TRAPPC12: variants seen among roughly 807,000 people sequenced by gnomAD.
The protein encoded by TRAPPC12 is trafficking protein particle complex subunit 12, also known as TPR repeat protein 15.
In TRAPPC12, 61 loss-of-function variants were observed where a neutral mutation model predicts 69.2. The observed-to-expected ratio is 0.88, with a 90% confidence interval of 0.72 to 1.09. The LOEUF (loss-of-function observed/expected upper bound fraction) is 1.09. Among genes scored for constraint, TRAPPC12 ranks in the 50% least tolerant of loss-of-function variants. The pLI is 0.00. For synonymous variants in TRAPPC12, 469 were observed against 438.9 expected (o/e 1.07, Z -0.86); for missense variants, 1,101 against 1,016.4 (o/e 1.08, Z -1.13).
At chr2:3,441,442 T>G (rs1300529115) in intron 5 of TRAPPC12, among the ~76,000 whole-genome samples, 2 of 152,098 alleles carry the variant, frequency 1.3e-5, no homozygotes, top group Non-Finnish European at 2.9e-5. Context: ...TAATAGTCCT[T>G]CACTTCTAGT....
intron 5 of TRAPPC12, among the ~76,000 whole-genome samples, chr2:3,440,205 A>G (rs1242283944): frequency 6.6e-6 from 1 of 152,188 alleles, no homozygotes; most frequent in Non-Finnish European, 1.5e-5. Flanking sequence ...TAACTTCAGA[A>G]TCATTTTGTT....
intron 6 of TRAPPC12, among the ~76,000 whole-genome samples, chr2:3,447,063 C>T (rs966748179): frequency 5.3e-5 from 8 of 151,622 alleles, no homozygotes; most frequent in Non-Finnish European, 8.8e-5. Context: ...GTACAAGAAG[C>T]ACAGTGTCAG....
intron 5 of TRAPPC12, among the ~76,000 whole-genome samples, chr2:3,430,100 A>G (rs73131538): frequency 0.13 from 19,384 of 152,160 alleles, 1,344 homozygotes; most frequent in Middle Eastern, 0.28. Context: ...CATCATGAGC[A>G]TATCTGTCTT....
chr2:3,404,154 TCG>T (rs1393244024), intron 3 of TRAPPC12, among the ~76,000 whole-genome samples: 1 of 152,114 alleles, frequency 6.6e-6, no homozygotes, highest in African/African-American at 2.4e-5. Flanking sequence ...ATGACCCAGA[TCG>T]CGGTTGTGTG....
chr2:3,446,796 T>G (rs1188801763), intron 6 of TRAPPC12, among the ~76,000 whole-genome samples: 2 of 152,228 alleles, frequency 1.3e-5, no homozygotes, highest in Non-Finnish European at 2.9e-5. Flanking sequence ...AGTTCGGGAC[T>G]CAACAGAACG....
chr2:3,380,942 AAC>A (rs1660180105), intron 1 of TRAPPC12, among the ~76,000 whole-genome samples: 1 of 152,194 alleles, frequency 6.6e-6, no homozygotes, highest in Non-Finnish European at 1.5e-5. Flanking sequence ...GCTAAGACTC[AAC>A]ACAGTTATTG....
intron 3 of TRAPPC12, among the ~76,000 whole-genome samples, chr2:3,419,583 G>T (rs534494915): frequency 2.7e-5 from 4 of 150,002 alleles, no homozygotes; most frequent in Non-Finnish European, 5.9e-5. Context: ...CCGCACACCA[G>T]CTAGTGAAGA....
At chr2:3,469,044 G>C (rs549425675) in intron 9 of TRAPPC12, among the ~76,000 whole-genome samples, 1 of 152,190 alleles carries the variant, frequency 6.6e-6, no homozygotes, top group Non-Finnish European at 1.5e-5. Flanking sequence ...AAAGCCAGCA[G>C]AGAGCTCTGT....
chr2:3,455,375 A>G (rs1388671505), intron 6 of TRAPPC12: 5 of 152,160 alleles, frequency 3.3e-5, no homozygotes, highest in East Asian at 3.8e-4. Context: ...CAACAATCCA[A>G]TTATGCTCCC....
chr2:3,420,145 G>C (rs892957309), intron 3 of TRAPPC12, among the ~76,000 whole-genome samples: 2 of 152,090 alleles, frequency 1.3e-5, no homozygotes, highest in African/African-American at 2.4e-5. Flanking sequence ...AGGTCAGTGG[G>C]TAAACACACT....
intron 9 of TRAPPC12, 167 bp downstream of exon 9, chr2:3,465,862 G>A (rs1274842262): frequency 3.3e-6 from 2 of 614,654 alleles, no homozygotes; most frequent in African/African-American, 1.8e-5. Flanking sequence ...AGGAGTTCTG[G>A]TTTGACTGTG....
intron 2 of TRAPPC12, among the ~76,000 whole-genome samples, chr2:3,389,381 C>T (rs377091882): frequency 1.3e-3 from 200 of 152,234 alleles, no homozygotes; most frequent in African/African-American, 4.8e-3. Context: ...TGTAGGGGTC[C>T]GGGGGCTGCT....
intron 1 of TRAPPC12, among the ~76,000 whole-genome samples, chr2:3,383,877 T>A (rs1226352243): frequency 6.2e-5 from 1 of 16,220 alleles, no homozygotes; most frequent in Non-Finnish European, 1.0e-4. Context: ...TCTTGTTTTT[T>A]TTTTTTTTTT....
intron 1 of TRAPPC12, among the ~76,000 whole-genome samples, chr2:3,383,441 C>T (rs1037475891): frequency 5.3e-5 from 8 of 150,016 alleles, no homozygotes; most frequent in African/African-American, 2.0e-4. Flanking sequence ...CTCTGTCACC[C>T]AGGCTGGAAT....
At chr2:3,402,423 T>C (rs1661496019) in intron 3 of TRAPPC12, among the ~76,000 whole-genome samples, 1 of 152,098 alleles carries the variant, frequency 6.6e-6, no homozygotes, top group Admixed American at 6.6e-5. Flanking sequence ...ACCCCATCTC[T>C]ACTAAAAATA....
At position 3,479,372 on chromosome 2, in the gene TRAPPC12, C is replaced by G. The variant is rs1262573982; in HGVS notation, c.2119C>G (p.Arg707Gly). 1 of 1,614,160 alleles carries G rather than the reference C, an allele frequency of 6.2e-7. No homozygotes were observed. The highest frequency in any genetic ancestry group is 8.5e-7 in the Non-Finnish European group (1 of 1,180,042). Residue 707 changes from arginine to glycine, a missense_variant, in exon 12 of 12, where the codon CGG becomes GGG. Physicochemically the swap from Arg to Gly is moderately radical, Grantham distance 125. Coordinates refer to ENST00000324266, the MANE Select transcript of TRAPPC12 (RefSeq NM_016030.6). The part of the protein sequence containing the change: ...LTTMYELESS[R>G]SMQKKQALLE... ...CACCATGTACGAGCTGGAGTCCTCA[C>G]GGAGCATGCAGAAGAAACAGGCCCT... is the stretch of plus-strand genomic sequence containing the variant.
At chr2:3,447,736 G>A (rs6747650) in intron 6 of TRAPPC12, among the ~76,000 whole-genome samples, 96,947 of 152,098 alleles carry the variant, frequency 0.64, 31,301 homozygotes, top group African/African-American at 0.75. Flanking sequence ...CTATTCTGCC[G>A]GTGTTGATTT....
Position 3,477,776 on chromosome 2 carries a change from A to G in TRAPPC12, c.1858A>G (p.Ile620Val). ...TQKLDGLQGK[I>V]MVLMNSAFLH... Reference sequence around the variant, plus strand: ...GAAATTAGATGGACTACAGGGTAAAATCATGGTTTTGATGAACAGGTAAAT... The same window carrying G: ...GAAATTAGATGGACTACAGGGTAAAGTCATGGTTTTGATGAACAGGTAAAT... Residue 620 changes from isoleucine to valine, a missense_variant, in exon 10 of 12, where the codon ATC (isoleucine) becomes GTC (valine). Transcript: ENST00000324266. 6.3e-7 allele frequency: 1 copy of G among 1,597,548 alleles called. No individual in the cohort carries two copies. Among genetic ancestry groups the G allele is most frequent in the Non-Finnish European group, 8.5e-7 (1 of 1,173,452 alleles).
At chr2:3,422,034 A>G in intron 4 of TRAPPC12, 40 bp downstream of exon 4, 1 of 1,508,536 alleles carries the variant, frequency 6.6e-7, no homozygotes, top group Non-Finnish European at 9.1e-7. Context: ...AACCTGGCTT[A>G]TCACAGTCTG....
Sources: allele counts gnomAD v4.1 joint callset (sites outside exome capture counted in the v4.1 genomes callset), GRCh38; gene constraint gnomAD v4.1.1; transcripts MANE v1.5; gene names NCBI Gene and HGNC (gene_info 2026-07-23, HGNC 2026-07-21).